The following THSD7A variants were observed in gnomAD, a reference collection of about 807,000 sequenced individuals.
THSD7A encodes the protein thrombospondin type 1 domain containing 7A, also known as thrombospondin type-1 domain-containing protein 7A.
In THSD7A, 96 loss-of-function variants were observed where a neutral mutation model predicts 231.3. That is an observed-to-expected ratio of 0.41 (90% CI 0.35 to 0.49). The LOEUF (loss-of-function observed/expected upper bound fraction) is 0.49. Ranked by LOEUF, THSD7A falls within the 20% of genes least tolerant of loss-of-function variation. The pLI is 0.05. For missense variants in THSD7A, 2,290 were observed against 2,070.2 expected (o/e 1.11, Z -2.06); for synonymous variants, 940 against 743.3 (o/e 1.26, Z -4.30).
chr7:11,682,659 G>A (rs1178725717), intron 1 of THSD7A, among the ~76,000 whole-genome samples: 1 of 151,858 alleles, frequency 6.6e-6, no homozygotes, highest in Non-Finnish European at 1.5e-5. Flanking sequence ...AGTAATACTG[G>A]GGGACTTCAA....
At chr7:11,669,140 G>A (rs978864834) in intron 1 of THSD7A, among the ~76,000 whole-genome samples, 3 of 152,018 alleles carry the variant, frequency 2.0e-5, no homozygotes. Context: ...GAATGTGAAA[G>A]AGCAGAATAA....
chr7:11,505,184 G>A (rs1787493849), intron 6 of THSD7A, among the ~76,000 whole-genome samples: 1 of 152,030 alleles, frequency 6.6e-6, no homozygotes, highest in African/African-American at 2.4e-5. Flanking sequence ...AGGAAAATCT[G>A]GATATTCTAA....
At chr7:11,524,592 TAC>T (rs1329812340) in intron 6 of THSD7A, among the ~76,000 whole-genome samples, 1 of 152,140 alleles carries the variant, frequency 6.6e-6, no homozygotes, top group Non-Finnish European at 1.5e-5. Context: ...TGAAAATGTT[TAC>T]AGTCTTTATA....
intron 23 of THSD7A, among the ~76,000 whole-genome samples, chr7:11,398,838 G>C (rs1392507492): frequency 6.6e-6 from 1 of 152,192 alleles, no homozygotes; most frequent in Non-Finnish European, 1.5e-5. Flanking sequence ...ACAAAAGCTT[G>C]AGTCAATGCC....
At chr7:11,739,445 A>C (rs1166413126) in intron 1 of THSD7A, among the ~76,000 whole-genome samples, 1 of 152,158 alleles carries the variant, frequency 6.6e-6, no homozygotes, top group East Asian at 1.9e-4. Flanking sequence ...TAAAATATGC[A>C]TGTAATATAG....
intron 9 of THSD7A, among the ~76,000 whole-genome samples, chr7:11,462,995 C>T (rs895374239): frequency 1.3e-5 from 2 of 152,074 alleles, no homozygotes; most frequent in Admixed American, 1.3e-4. Context: ...CTGCATGGCA[C>T]AGGGTTTTAC....
chr7:11,505,309 C>A (rs1787499578), intron 6 of THSD7A, among the ~76,000 whole-genome samples: 1 of 152,094 alleles, frequency 6.6e-6, no homozygotes, highest in Non-Finnish European at 1.5e-5. Context: ...CTACTAACTT[C>A]AAATATCCAT....
At chr7:11,802,332 G>A (rs573479036) in intron 1 of THSD7A, among the ~76,000 whole-genome samples, 20 of 152,256 alleles carry the variant, frequency 1.3e-4, no homozygotes, top group African/African-American at 2.9e-4. Context: ...GTAAGGAAAG[G>A]AGATATGCAT....
intron 2 of THSD7A, among the ~76,000 whole-genome samples, chr7:11,607,378 G>A (rs1780768333): frequency 6.6e-6 from 1 of 152,150 alleles, no homozygotes; most frequent in South Asian, 2.1e-4. Flanking sequence ...ACATGACCCT[G>A]AGTAGATAGT....
intron 1 of THSD7A, among the ~76,000 whole-genome samples, chr7:11,755,789 G>C (rs1782654258): frequency 6.6e-6 from 1 of 152,166 alleles, no homozygotes; most frequent in East Asian, 1.9e-4. Context: ...CTTTTGATAA[G>C]TTTAAATTTC....
At chr7:11,623,397 G>A (rs1350886599) in intron 2 of THSD7A, among the ~76,000 whole-genome samples, 2 of 151,990 alleles carry the variant, frequency 1.3e-5, no homozygotes, top group Non-Finnish European at 1.5e-5. Flanking sequence ...CATCTCTTGC[G>A]TCTTACCCTG....
rs1780109413 is a variant in THSD7A, at chr7:11,590,445, GA to G, written c.1453+14del. On this transcript the variant is annotated intron_variant, in intron 4 of 27. Coordinates refer to ENST00000423059, the MANE Select transcript of THSD7A (RefSeq NM_015204.3). The surrounding 1 kb of genome is among the most constrained non-coding windows in gnomAD (Gnocchi z 4.4). ...GTCTTCATAAGTGAATCCTTGAGAAGAAAGCAAAGGTTACCTTCTTTGTTCT... is the reference window on the plus strand; with the variant it reads ...GTCTTCATAAGTGAATCCTTGAGAAGAAGCAAAGGTTACCTTCTTTGTTCT... The G allele has an allele frequency of 6.2e-7, 1 of 1,601,020 alleles. No homozygotes were observed. The highest frequency in any genetic ancestry group is 1.7e-5 in the Admixed American group (1 of 58,596).
intron 4 of THSD7A, among the ~76,000 whole-genome samples, chr7:11,567,415 T>A (rs1194785805): frequency 2.6e-5 from 4 of 152,166 alleles, no homozygotes. Context: ...CCTGGTTTCT[T>A]CCTTCATATA....
At chr7:11,741,138 C>G (rs1448260524) in intron 1 of THSD7A, among the ~76,000 whole-genome samples, 1 of 151,934 alleles carries the variant, frequency 6.6e-6, no homozygotes. Context: ...CACTAATACA[C>G]TAATAATTAC....
At chr7:11,782,603 G>A (rs546078630) in intron 1 of THSD7A, among the ~76,000 whole-genome samples, 3 of 152,164 alleles carry the variant, frequency 2.0e-5, no homozygotes, top group East Asian at 3.9e-4. Flanking sequence ...GATCATCACC[G>A]AAATTAACCA....
chr7:11,712,090 G>T (rs761139094), intron 1 of THSD7A, among the ~76,000 whole-genome samples: 6 of 150,942 alleles, frequency 4.0e-5, no homozygotes, highest in Non-Finnish European at 7.4e-5. Context: ...ATGCAAATAT[G>T]AATAGGAAAA....
At chr7:11,541,908 T>C (rs46) in intron 5 of THSD7A, among the ~76,000 whole-genome samples, 99,916 of 151,896 alleles carry the variant, frequency 0.66, 33,271 homozygotes, top group Admixed American at 0.79. Context: ...ATAGTACCCA[T>C]CTCCCTTGTA....
rs1562541207 is a variant in THSD7A, at chr7:11,769,136, TATATA to T, written c.190+62616_190+62620del. 2.1e-4 allele frequency among the ~76,000 whole-genome samples: 11 copies of T among 52,350 alleles called. 1 individual carries two copies. The highest frequency in any genetic ancestry group is 4.9e-4 in the African/African-American group (8 of 16,348). 34.3% of individuals were successfully genotyped at this position (52,350 alleles called of 152,430 possible). Reference sequence around the variant, plus strand: ...TAATTCCTGGCAATATATATATATATATATATATATATATATATTTTTTTTTTTTT... The same window carrying T: ...TAATTCCTGGCAATATATATATATATTATATATATATATTTTTTTTTTTTT... On this transcript the variant is annotated intron_variant, in intron 1 of 27. Coordinates refer to ENST00000423059, the MANE Select transcript of THSD7A (RefSeq NM_015204.3).
chr7:11,493,099 T>C (rs1786966031), intron 6 of THSD7A, among the ~76,000 whole-genome samples: 1 of 152,132 alleles, frequency 6.6e-6, no homozygotes, highest in African/African-American at 2.4e-5. Context: ...TCAGCGTTAT[T>C]AACATTTGTA....
Sources: allele counts gnomAD v4.1 joint callset (sites outside exome capture counted in the v4.1 genomes callset), GRCh38; gene constraint gnomAD v4.1.1; non-coding constraint Gnocchi (gnomAD v3.1); transcripts MANE v1.5; gene names NCBI Gene and HGNC (gene_info 2026-07-23, HGNC 2026-07-21).